PLCB4: variants seen among roughly 807,000 people sequenced by gnomAD.
The protein encoded by PLCB4 is phospholipase C beta 4, also known as 1-phosphatidylinositol 4,5-bisphosphate phosphodiesterase beta-4.
PLCB4 carries 77 observed loss-of-function variants against 178.8 expected under a neutral mutation model. That is an observed-to-expected ratio of 0.43 (90% CI 0.36 to 0.52). The LOEUF is 0.52. Among genes scored for constraint, PLCB4 ranks in the 20% least tolerant of loss-of-function variants. PLCB4 has a pLI of 0.00. For synonymous variants in PLCB4, 496 were observed against 490.8 expected, an observed-to-expected ratio of 1.01 and a Z score of -0.14; for missense variants, 1,024 against 1,453.4, an observed-to-expected ratio of 0.70 and a Z score of 4.80.
At chr20:9,225,489 C>T (rs929282080) in intron 3 of PLCB4, among the ~76,000 whole-genome samples, 1 of 152,130 alleles carries the variant, frequency 6.6e-6, no homozygotes, top group Admixed American at 6.5e-5. Flanking sequence ...AAATTCTAGC[C>T]GTTGCCCTTA....
chr20:9,191,970 C>T (rs568928932), intron 2 of PLCB4, among the ~76,000 whole-genome samples: 1 of 151,576 alleles, frequency 6.6e-6, no homozygotes, highest in African/African-American at 2.4e-5. Context: ...TCTGCCAAAC[C>T]CTTCTGACTT....
chr20:9,087,684 C>G, intron 1 of PLCB4, among the ~76,000 whole-genome samples: 1 of 152,154 alleles, frequency 6.6e-6, no homozygotes, highest in South Asian at 2.1e-4. Context: ...AGAGTTGACA[C>G]GGGGGACATA....
intron 2 of PLCB4, among the ~76,000 whole-genome samples, chr20:9,147,719 T>G (rs2092623296): frequency 6.6e-6 from 1 of 152,238 alleles, no homozygotes; most frequent in Admixed American, 6.5e-5. Flanking sequence ...GAGAACAAAC[T>G]CAGTTGTGCA....
intron 4 of PLCB4, among the ~76,000 whole-genome samples, chr20:9,309,791 T>A (rs1406226425): frequency 6.6e-6 from 1 of 152,234 alleles, no homozygotes; most frequent in African/African-American, 2.4e-5. Flanking sequence ...GAGATTCATT[T>A]GAATCCTTCT....
chr20:9,298,790 A>G (rs940012158), intron 3 of PLCB4, among the ~76,000 whole-genome samples: 1 of 152,114 alleles, frequency 6.6e-6, no homozygotes, highest in Non-Finnish European at 1.5e-5. Flanking sequence ...TATGATTAAT[A>G]TTGAGGTACG....
chr20:9,172,622 ATT>A (rs72260022), intron 2 of PLCB4, among the ~76,000 whole-genome samples: 30,129 of 152,006 alleles, frequency 0.2, 3,063 homozygotes, highest in African/African-American at 0.25. Context: ...TTCCATTCGC[ATT>A]TCCTTTTCTT....
chr20:9,474,466 G>T (rs2044409122), intron 38 of PLCB4, among the ~76,000 whole-genome samples: 1 of 152,142 alleles, frequency 6.6e-6, no homozygotes, highest in Non-Finnish European at 1.5e-5. Context: ...TTCTTTAGGT[G>T]TAGTTGGTAT....
chr20:9,359,043 T>C (rs1326915597), intron 7 of PLCB4, among the ~76,000 whole-genome samples: 1 of 152,204 alleles, frequency 6.6e-6, no homozygotes, highest in Non-Finnish European at 1.5e-5. Flanking sequence ...TATTTAAATA[T>C]TGTTTTCATA....
chr20:9,457,373 T>C (rs2043119579), intron 33 of PLCB4, 41 bp from the exon 34 acceptor site: 2 of 917,168 alleles, frequency 2.2e-6, no homozygotes, highest in African/African-American at 1.6e-5. Context: ...AATGGGAAAA[T>C]ATCTAATTTC....
chr20:9,441,075 A>C (rs2042073691), intron 30 of PLCB4, among the ~76,000 whole-genome samples: 1 of 152,222 alleles, frequency 6.6e-6, no homozygotes, highest in African/African-American at 2.4e-5. Context: ...AAAGTCACTC[A>C]GCACATTCTT....
intron 7 of PLCB4, among the ~76,000 whole-genome samples, chr20:9,356,728 T>C (rs1602070947): frequency 1.3e-5 from 2 of 152,220 alleles, no homozygotes; most frequent in South Asian, 4.1e-4. Flanking sequence ...CCTGACATAT[T>C]ATTTGAGCAG....
At chr20:9,149,876 C>G (rs1463287673) in intron 2 of PLCB4, among the ~76,000 whole-genome samples, 1 of 152,134 alleles carries the variant, frequency 6.6e-6, no homozygotes. Context: ...AGGACGGATT[C>G]AGGACTGGGC....
intron 2 of PLCB4, among the ~76,000 whole-genome samples, chr20:9,145,536 T>C (rs2092583062): frequency 6.6e-6 from 1 of 151,922 alleles, no homozygotes; most frequent in African/African-American, 2.4e-5. Flanking sequence ...TTCTTTCCCC[T>C]GCTGTTGCCT....
At chr20:9,134,758 A>C (rs1442846946) in intron 2 of PLCB4, among the ~76,000 whole-genome samples, 3 of 152,128 alleles carry the variant, frequency 2.0e-5, no homozygotes, top group Non-Finnish European at 2.9e-5. Context: ...ACTTGTTATG[A>C]ATGTGCTAGT....
rs111487127 is a variant in PLCB4 at position 9,170,108 on chromosome 20, C to T, written c.-78-47282C>T. 9.5e-3 allele frequency among the ~76,000 whole-genome samples: 1,450 copies of T among 152,246 alleles called. 20 individuals are homozygous for T. The highest frequency in any genetic ancestry group is 0.012 in the Non-Finnish European group (819 of 68,028). ...GCAAGATATAGAACATTACCACCAC[C>T]GGAGAAAGTTCCTGCATTCCTTCCC... On this transcript the variant is annotated intron_variant, in intron 2 of 39. Transcript: ENST00000378473.
rs143815591 is a variant in PLCB4, at chr20:9,227,586, C to T, written c.-16+10134C>T. Among the ~76,000 whole-genome samples the T allele has an allele frequency of 7.9e-4, 120 of 152,130 alleles. 1 individual carries two copies. Among genetic ancestry groups the T allele is most frequent in the African/African-American group, 2.9e-3 (119 of 41,530 alleles). ...CATTTATTGAAGAAACTATTCTTTC[C>T]AAGATTGAATCATCTTGGCACCCTT... On this transcript the variant is annotated intron_variant, in intron 3 of 39. Coordinates refer to ENST00000378473, the MANE Select transcript of PLCB4 (RefSeq NM_001377142.1).
intron 12 of PLCB4, among the ~76,000 whole-genome samples, chr20:9,378,683 T>C (rs2036885355): frequency 6.6e-6 from 1 of 152,184 alleles, no homozygotes; most frequent in African/African-American, 2.4e-5. Flanking sequence ...GAATGTTAGC[T>C]GTTGTGAGCC....
intron 2 of PLCB4, among the ~76,000 whole-genome samples, chr20:9,171,830 A>G (rs1203185725): frequency 6.6e-6 from 1 of 151,982 alleles, no homozygotes; most frequent in East Asian, 1.9e-4. Context: ...AATAATGACT[A>G]TTTCCCCCCT....
At chr20:9,450,052 G>T (rs2042657263) in intron 32 of PLCB4, among the ~76,000 whole-genome samples, 1 of 152,158 alleles carries the variant, frequency 6.6e-6, no homozygotes, top group Non-Finnish European at 1.5e-5. Flanking sequence ...AAAAGAAGCT[G>T]AATTTACTCT....
Sources: gnomAD v4.1 joint callset for allele counts (sites outside exome capture counted in the v4.1 genomes callset) on GRCh38, gnomAD v4.1.1 for gene constraint, MANE v1.5 for transcripts, NCBI Gene and HGNC (gene_info 2026-07-23, HGNC 2026-07-21) for gene names.